Variants in PRDM15 observed in about 807,000 individuals in gnomAD.
The protein encoded by PRDM15 is PR/SET domain 15.
A neutral mutation model predicts 128.6 loss-of-function variants in PRDM15; 64 were observed. The ratio of observed to expected loss-of-function variants is 0.50; its 90% CI spans 0.41 to 0.61. The LOEUF (loss-of-function observed/expected upper bound fraction) is 0.61, where lower values mean the gene tolerates loss of function less well. Among genes scored for constraint, PRDM15 ranks in the 20% least tolerant of loss-of-function variants. The pLI, the probability that PRDM15 is intolerant of heterozygous loss-of-function variation, is 0.00. For missense variants in PRDM15, 1,242 were observed against 1,569.1 expected (o/e 0.79, Z 3.52); for synonymous variants, 615 against 621.8 (o/e 0.99, Z 0.16).
intron 10 of PRDM15, among the ~76,000 whole-genome samples, chr21:41,835,728 C>T (rs945561532): frequency 6.6e-6 from 1 of 152,148 alleles, no homozygotes; most frequent in Admixed American, 6.5e-5. Context: ...ACTCAGGGAG[C>T]CCCACTCCAA....
chr21:41,858,011 C>G (rs1000501081), intron 3 of PRDM15, among the ~76,000 whole-genome samples: 5 of 152,128 alleles, frequency 3.3e-5, no homozygotes, highest in African/African-American at 1.2e-4. Context: ...GGGGCTGCTA[C>G]GGGACAGAAC....
chr21:41,829,101 ACAAT>A (rs1241049251), intron 11 of PRDM15, among the ~76,000 whole-genome samples: 2 of 135,746 alleles, frequency 1.5e-5, no homozygotes, highest in African/African-American at 2.8e-5. Context: ...ACAGAAATAC[ACAAT>A]CACACACACC....
intron 6 of PRDM15, among the ~76,000 whole-genome samples, chr21:41,845,917 G>A (rs1054505138): frequency 1.3e-5 from 2 of 152,120 alleles, no homozygotes; most frequent in African/African-American, 4.8e-5. Context: ...TCTCCATGAG[G>A]TCCGGGGCGT....
In PRDM15 at chr21:41,838,022, G is replaced by C; in HGVS notation, c.913C>G (p.Pro305Ala). The change falls in exon 8 of 24, where the codon CCT (proline) becomes GCT (alanine). Residue 305 changes from proline to alanine, a missense_variant. Around this residue, in one of 3 missense-constraint regions of PRDM15, gnomAD observed 612 missense variants for 717.0 expected, o/e 0.85. Coordinates refer to ENST00000398548, the MANE Select transcript of PRDM15 (RefSeq NM_001040424.3). ...CGCTCATCTGGCGTTGCACTCACAG[G>C]CTCATCCGGAGGGACCTCGGTAATG... ...EIITEVPPDE[P>A]VSATPDERIM... 1 of 1,614,146 alleles carries C rather than the reference G, an allele frequency of 6.2e-7. No individual in the cohort carries two copies. Among genetic ancestry groups the C allele is most frequent in the Non-Finnish European group, 8.5e-7 (1 of 1,180,006 alleles).
intron 3 of PRDM15, 23 bp from the exon 4 acceptor site, chr21:41,857,352 C>T: frequency 6.2e-7 from 1 of 1,612,938 alleles, no homozygotes. Flanking sequence ...TAAAACAAGA[C>T]TCAAAAGAGA....
chr21:41,878,205 G>A (rs773410922), intron 1 of PRDM15, among the ~76,000 whole-genome samples: 1 of 152,118 alleles, frequency 6.6e-6, no homozygotes, highest in Non-Finnish European at 1.5e-5. Context: ...ACTTGAGTCT[G>A]GCTTAAGCCA....
At chr21:41,829,205 A>G (rs1227514040) in intron 11 of PRDM15, among the ~76,000 whole-genome samples, 2 of 137,996 alleles carry the variant, frequency 1.4e-5, no homozygotes, top group African/African-American at 6.3e-5. Context: ...ACACATACAC[A>G]TACATGTCAC....
chr21:41,864,100 C>G (rs1460172765), intron 1 of PRDM15, among the ~76,000 whole-genome samples: 1 of 152,162 alleles, frequency 6.6e-6, no homozygotes, highest in East Asian at 1.9e-4. Flanking sequence ...CCTCGGCCTC[C>G]CAAAGTGCTG....
At chr21:41,876,971 C>T (rs2064440993) in intron 1 of PRDM15, among the ~76,000 whole-genome samples, 1 of 152,210 alleles carries the variant, frequency 6.6e-6, no homozygotes, top group South Asian at 2.1e-4. Context: ...GTGGCATCCA[C>T]AAGGCAGTCA....
Position 41,800,052 on chromosome 21 carries a change from C to A in PRDM15, c.*1188G>T, listed in dbSNP as rs1436884415. On this transcript the variant is annotated 3_prime_UTR_variant, in exon 24 of 24. Coordinates refer to ENST00000398548, the MANE Select transcript of PRDM15 (RefSeq NM_001040424.3). ...TTAATGCTTCTATTAGTGAACTAAC[C>A]TCTCTGCTTTCATTACCACCTGGCA... 2 of 152,246 alleles carry A rather than the reference C, an allele frequency of 1.3e-5. No homozygotes were observed. Among genetic ancestry groups the A allele is most frequent in the Non-Finnish European group, 2.9e-5 (2 of 68,046 alleles). The allele number at this position is 152,246 out of a possible 1,614,324, so 9.4% of individuals were successfully genotyped here. A position where few individuals can be genotyped will look rare whatever the true frequency, so the allele number is the denominator to read the frequency against.
At chr21:41,842,552 G>A (rs1415987034) in intron 6 of PRDM15, among the ~76,000 whole-genome samples, 1 of 151,868 alleles carries the variant, frequency 6.6e-6, no homozygotes, top group Non-Finnish European at 1.5e-5. Context: ...AGTGCAGTGT[G>A]CGATCTCGGC....
intron 5 of PRDM15, among the ~76,000 whole-genome samples, chr21:41,849,623 A>G (rs2063367531): frequency 2.0e-5 from 3 of 151,850 alleles, no homozygotes; most frequent in African/African-American, 4.8e-5. Flanking sequence ...AATGTAAACT[A>G]TATGTCATCA....
In PRDM15 at chr21:41,821,927, G is replaced by A. The variant is rs766554911; in HGVS notation, c.1872C>T (p.His624=). Residue 624 remains histidine, a synonymous_variant, in exon 15 of 24, where the codon CAC becomes CAT. Coordinates refer to ENST00000398548, the MANE Select transcript of PRDM15 (RefSeq NM_001040424.3). This position sits in a 1 kb window ranked among gnomAD's most constrained non-coding sequence, Gnocchi z 5.4. ...NSDESADSEP[H]KYSCKRCQLT... ...CCTGGCACCGCTTGCAGCTGTACTT[G>A]TGAGGCTCCGAGTCTGCGCTCTCGT... The A allele has an allele frequency of 3.1e-6, 5 of 1,614,054 alleles. No individual in the cohort carries two copies. The South Asian group carries it at 4.4e-5, about 14-fold the overall frequency.
In PRDM15 at chr21:41,859,916, G is replaced by A. The variant is rs1406037730; in HGVS notation, c.38-231C>T. Among the ~76,000 whole-genome samples the A allele has an allele frequency of 5.3e-5, 8 of 152,222 alleles. No individual in the cohort carries two copies. The highest frequency in any genetic ancestry group is 8.8e-5 in the Non-Finnish European group (6 of 68,016). The stretch of plus-strand genomic sequence containing the variant: ...CATGAGGAGTGCAAAGGCAGGACAC[G>A]CCCCCAGGGAAAGCTCTAGCTCCGC... On this transcript the variant is annotated intron_variant, in intron 2 of 23. Coordinates refer to ENST00000398548, the MANE Select transcript of PRDM15 (RefSeq NM_001040424.3). The surrounding 1 kb of genome is among the most constrained non-coding windows in gnomAD (Gnocchi z 5.3).
At chr21:41,807,457 G>A (rs543277799) in intron 21 of PRDM15, among the ~76,000 whole-genome samples, 98 of 152,218 alleles carry the variant, frequency 6.4e-4, no homozygotes, top group Middle Eastern at 3.4e-3. Context: ...TCGGGGGACC[G>A]TTATCCCACT....
chr21:41,865,869 CAAG>C (rs2145967034), intron 1 of PRDM15, among the ~76,000 whole-genome samples: 1 of 152,300 alleles, frequency 6.6e-6, no homozygotes, highest in South Asian at 2.1e-4. Flanking sequence ...TTCAGCCTCT[CAAG>C]TAGCTGGGAC....
rs2064545851 is a variant in PRDM15 at position 41,879,150 on chromosome 21, G to A, written c.-10+120C>T. 3.2e-6 allele frequency: 3 copies of A among 948,180 alleles called. No homozygotes were observed. The highest frequency in any genetic ancestry group is 3.8e-6 in the Non-Finnish European group (3 of 787,916). The allele number at this position is 948,180 out of a possible 1,614,324, so 58.7% of individuals were successfully genotyped here. The stretch of plus-strand genomic sequence containing the variant: ...CCGGGGCGGCGCGCGGCTGCCGGGC[G>A]CGGGGGGCGGGGGGCAGCGGGCCCA... On this transcript the variant is annotated intron_variant, in intron 1 of 23. Transcript: ENST00000398548. This position sits in a 1 kb window ranked among gnomAD's most constrained non-coding sequence, Gnocchi z 5.1.
intron 10 of PRDM15, 54 bp from the exon 11 acceptor site, chr21:41,835,578 G>T: frequency 1.3e-6 from 2 of 1,493,450 alleles, no homozygotes; most frequent in Non-Finnish European, 9.2e-7. Context: ...GTCCACAGAT[G>T]CCGAGCCCCC....
chr21:41,860,469 ATAGAG>A lies in PRDM15; in HGVS notation c.-9-102_-9-98del, dbSNP rs1224283190. The A allele has an allele frequency of 1.9e-5, 20 of 1,045,252 alleles. No homozygotes were observed. The Middle Eastern group carries it at 1.7e-3, about 88-fold the overall frequency. 64.7% of individuals were successfully genotyped at this position (1,045,252 alleles called of 1,614,324 possible). A position where few individuals can be genotyped will look rare whatever the true frequency, so the allele number is the denominator to read the frequency against. On this transcript the variant is annotated intron_variant, in intron 1 of 23. Transcript: ENST00000398548. Reference sequence around the variant, plus strand: ...GAGCTCCCTCTGTTGCCCAGGATAGATAGAGTACAGTGGCAGGATCTTGGCTCACT... The same window carrying A: ...GAGCTCCCTCTGTTGCCCAGGATAGATACAGTGGCAGGATCTTGGCTCACT...
Sources: gnomAD v4.1 joint callset for allele counts (sites outside exome capture counted in the v4.1 genomes callset) on GRCh38, gnomAD v4.1.1 for gene constraint, gnomAD v4.1.1 regional missense constraint, Gnocchi (gnomAD v3.1) non-coding constraint, MANE v1.5 for transcripts, NCBI Gene and HGNC (gene_info 2026-07-23, HGNC 2026-07-21) for gene names.